Variants in RXFP2 observed in about 807,000 individuals in gnomAD.
The protein encoded by RXFP2 is relaxin family peptide receptor 2.
A neutral mutation model predicts 88.6 loss-of-function variants in RXFP2; 68 were observed. That is an observed-to-expected ratio of 0.77 (90% CI 0.63 to 0.94). The LOEUF (loss-of-function observed/expected upper bound fraction) is 0.94, where lower values mean the gene tolerates loss of function less well. Among genes scored for constraint, RXFP2 ranks in the 40% least tolerant of loss-of-function variants. RXFP2 has a pLI of 0.00. For synonymous variants in RXFP2, 329 were observed against 306.8 expected, an observed-to-expected ratio of 1.07 and a Z score of -0.76; for missense variants, 791 against 893.9, an observed-to-expected ratio of 0.88 and a Z score of 1.47.
intron 1 of RXFP2, among the ~76,000 whole-genome samples, chr13:31,749,728 A>G (rs1427135933): frequency 1.3e-5 from 2 of 152,228 alleles, no homozygotes; most frequent in African/African-American, 4.8e-5. Context: ...TAAAAATACA[A>G]TTGACTTTAT....
chr13:31,762,674 C>T (rs533056238), intron 3 of RXFP2, among the ~76,000 whole-genome samples: 4 of 152,126 alleles, frequency 2.6e-5, no homozygotes, highest in African/African-American at 9.6e-5. Flanking sequence ...TCAAATACTA[C>T]ACTGATAGTA....
intron 7 of RXFP2, among the ~76,000 whole-genome samples, chr13:31,775,955 T>C (rs925010987): frequency 6.6e-6 from 1 of 152,236 alleles, no homozygotes; most frequent in Admixed American, 6.5e-5. Flanking sequence ...CCTGGTCTAG[T>C]GGAAAAAGCC....
At chr13:31,742,475 A>AGGTCAGT (rs1319889666) in intron 1 of RXFP2, among the ~76,000 whole-genome samples, 1 of 152,218 alleles carries the variant, frequency 6.6e-6, no homozygotes, top group African/African-American at 2.4e-5. Context: ...CCGAAGACTG[A>AGGTCAGT]CCTGCTTGCG....
At chr13:31,745,456 G>C (rs1028740520) in intron 1 of RXFP2, among the ~76,000 whole-genome samples, 1 of 152,042 alleles carries the variant, frequency 6.6e-6, no homozygotes, top group Non-Finnish European at 1.5e-5. Flanking sequence ...CACAATCTTG[G>C]GCGATCAGAG....
intron 16 of RXFP2, among the ~76,000 whole-genome samples, chr13:31,795,275 A>G (rs1873976126): frequency 1.3e-5 from 2 of 151,666 alleles, no homozygotes; most frequent in African/African-American, 4.8e-5. Flanking sequence ...TCAGACTCCC[A>G]AGTAGCTGGG....
rs369068246 is a variant in RXFP2 at position 31,802,383 on chromosome 13, G to A, written c.2243G>A (p.Ser748Asn). Residue 748 changes from serine (S) to asparagine (N), a missense_variant, in exon 18 of 18, where the codon AGT becomes AAT. Transcript: ENST00000298386. ...TTGAACAAAATAACACTTGGAGACA[G>A]TATAATGAAACCAGTTTCCTAGCAA... The part of the protein sequence containing the change: ...GVLNKITLGD[S>N]IMKPVS The A allele has an allele frequency of 6.2e-7, 1 of 1,614,078 alleles. No homozygotes were observed.
chr13:31,761,825 A>AG (rs1872317237), intron 3 of RXFP2, 24 bp downstream of exon 3: 2 of 1,487,298 alleles, frequency 1.3e-6, no homozygotes, highest in South Asian at 2.3e-5. Context: ...ATTCAAAGAC[A>AG]GTATCAGCTT....
chr13:31,754,061 C>T (rs763969084), intron 1 of RXFP2, among the ~76,000 whole-genome samples: 25 of 152,224 alleles, frequency 1.6e-4, no homozygotes, highest in Non-Finnish European at 2.8e-4. Flanking sequence ...CGTACATGTT[C>T]AGTCTCTTCC....
chr13:31,758,355 C>T lies in RXFP2; in HGVS notation c.192C>T (p.His64=). Residue 64 remains histidine, a synonymous_variant, in exon 2 of 18, where the codon CAC becomes CAT. Coordinates refer to ENST00000298386, the MANE Select transcript of RXFP2 (RefSeq NM_130806.5). ...NLTKCLPRAF[H]CDGKDDCGNG... ...CCAAGTGCTTACCCCGAGCTTTTCA[C>T]TGTGATGGCAAGGATGACTGTGGGA... is the stretch of plus-strand genomic sequence containing the variant. 2 of 1,614,164 alleles carry T rather than the reference C, an allele frequency of 1.2e-6. No individual in the cohort carries two copies. Among genetic ancestry groups the T allele is most frequent in the Non-Finnish European group, 1.7e-6 (2 of 1,180,016 alleles).
At chr13:31,762,132 C>T (rs1160167497) in intron 3 of RXFP2, among the ~76,000 whole-genome samples, 1 of 152,204 alleles carries the variant, frequency 6.6e-6, no homozygotes, top group Non-Finnish European at 1.5e-5. Context: ...ATGACTAAGA[C>T]TGAGTTCTAA....
chr13:31,801,594 T>C (rs927709486), intron 17 of RXFP2, among the ~76,000 whole-genome samples: 1 of 152,178 alleles, frequency 6.6e-6, no homozygotes, highest in Non-Finnish European at 1.5e-5. Flanking sequence ...GAATATTCTA[T>C]TAGCATTTGT....
chr13:31,744,244 TA>T (rs1871320497), intron 1 of RXFP2, among the ~76,000 whole-genome samples: 1 of 152,326 alleles, frequency 6.6e-6, no homozygotes, highest in South Asian at 2.1e-4. Flanking sequence ...TCTACAATTC[TA>T]AAATCCAGAA....
At chr13:31,771,087 C>A (rs1312489869) in intron 5 of RXFP2, among the ~76,000 whole-genome samples, 1 of 152,198 alleles carries the variant, frequency 6.6e-6, no homozygotes, top group Non-Finnish European at 1.5e-5. Flanking sequence ...GTCACTGAAT[C>A]TTGATTGTAT....
At position 31,758,388 on chromosome 13, in the gene RXFP2, G is replaced by A. The variant is rs186433875; in HGVS notation, c.225G>A (p.Ala75=). The A allele has an allele frequency of 1.8e-4, 288 of 1,614,042 alleles. No individual in the cohort carries two copies. The highest frequency in any genetic ancestry group is 3.3e-4 in the Middle Eastern group (2 of 6,058). The part of the protein sequence containing the change: ...CDGKDDCGNG[A]DEENCGDTSG... ...GCAAGGATGACTGTGGGAACGGGGC[G>A]GACGAAGAGAACTGTGGTGAGTGCT... The change falls in exon 2 of 18, where the codon GCG becomes GCA. Residue 75 remains alanine (A), a synonymous_variant. Coordinates refer to ENST00000298386, the MANE Select transcript of RXFP2 (RefSeq NM_130806.5).
At chr13:31,800,755 G>A (rs572438725) in intron 17 of RXFP2, among the ~76,000 whole-genome samples, 6 of 152,250 alleles carry the variant, frequency 3.9e-5, no homozygotes, top group East Asian at 3.9e-4. Context: ...GGTGGGATTC[G>A]TGATCACAAT....
intron 13 of RXFP2, among the ~76,000 whole-genome samples, chr13:31,788,894 T>C (rs1287408251): frequency 6.6e-6 from 1 of 152,190 alleles, no homozygotes; most frequent in Non-Finnish European, 1.5e-5. Flanking sequence ...TGAATGAATA[T>C]GTTCTATTAG....
intron 1 of RXFP2, among the ~76,000 whole-genome samples, chr13:31,742,911 A>T (rs1230368484): frequency 6.6e-6 from 1 of 152,238 alleles, no homozygotes; most frequent in African/African-American, 2.4e-5. Context: ...TTTGGTAAAC[A>T]TATAACAACA....
In RXFP2 at chr13:31,791,426, C is replaced by T. The variant is rs1403485716; in HGVS notation, c.1146-380C>T. On this transcript the variant is annotated intron_variant, in intron 14 of 17. Transcript: ENST00000298386. ...TAGGTGAGCGACAATAGGCTTTTCC[C>T]ATCCCAAGCCCAAGCCCCTGAAAGT... is the stretch of plus-strand genomic sequence containing the variant. Among the ~76,000 whole-genome samples the T allele has an allele frequency of 2.6e-5, 4 of 152,160 alleles. No homozygotes were observed. In the East Asian group the frequency reaches 7.7e-4, roughly 29 times the overall value.
chr13:31,802,679 G>T lies in RXFP2; in HGVS notation c.*274G>T. ...TGGGCTGAGGTGCAGCTGATCTCTA[G>T]CTAATCAACACAACCCACCAACAAA... On this transcript the variant is annotated 3_prime_UTR_variant, in exon 18 of 18. Transcript: ENST00000298386. The T allele has an allele frequency of 2.2e-6, 1 of 449,796 alleles. No individual in the cohort carries two copies. Among genetic ancestry groups the T allele is most frequent in the East Asian group, 4.4e-5 (1 of 22,914 alleles). 27.9% of individuals were successfully genotyped at this position (449,796 alleles called of 1,614,324 possible).
Sources: gnomAD v4.1 joint callset for allele counts (sites outside exome capture counted in the v4.1 genomes callset) on GRCh38, gnomAD v4.1.1 for gene constraint, MANE v1.5 for transcripts, NCBI Gene and HGNC (gene_info 2026-07-23, HGNC 2026-07-21) for gene names.